Variants in RANBP2 observed in about 807,000 individuals in gnomAD.
RANBP2 encodes RAN binding protein 2.
In RANBP2, 57 loss-of-function variants were observed where a neutral mutation model predicts 303.6. That is an observed-to-expected ratio of 0.19 (90% confidence interval 0.15 to 0.23). The LOEUF (loss-of-function observed/expected upper bound fraction) is 0.23, where lower values mean the gene tolerates loss of function less well. Among genes scored for constraint, RANBP2 ranks in the 10% least tolerant of loss-of-function variants. The pLI is 1.00. For missense variants in RANBP2, 3,138 were observed against 3,780.8 expected, an observed-to-expected ratio of 0.83 and a Z score of 4.46; for synonymous variants, 1,167 against 1,301.5, an observed-to-expected ratio of 0.90 and a Z score of 2.23.
the RANBP2 span, chr2:109,129,215 T>G: frequency 7.8e-6 from 4 of 515,972 alleles, no homozygotes; most frequent in Non-Finnish European, 1.1e-5. Context: ...ACAGAACCCG[T>G]TGAGCTTCGT....
At chr2:109,699,735 TCAAACC>T in the RANBP2 span, among the ~76,000 whole-genome samples, 1 of 152,150 alleles carries the variant, frequency 6.6e-6, no homozygotes, top group Non-Finnish European at 1.5e-5. Flanking sequence ...CATGCACAGC[TCAAACC>T]CATATTGTTC....
Position 108,719,949 on chromosome 2 carries a change from G to A in RANBP2, c.72+271G>A, listed in dbSNP as rs975482212. ...GTTCCCGACGGTGCTCGCTCCTGGGGCCGCCCTGGCCCGGGCTTTCTGGCC... is the reference window on the plus strand; with the variant it reads ...GTTCCCGACGGTGCTCGCTCCTGGGACCGCCCTGGCCCGGGCTTTCTGGCC... On this transcript the variant is annotated intron_variant, in intron 1 of 28. Transcript: ENST00000283195. 3 of 985,224 alleles carry A rather than the reference G, an allele frequency of 3.0e-6. No homozygotes were observed. The African/African-American group carries it at 5.2e-5, about 17-fold the overall frequency. 61.0% of individuals were successfully genotyped at this position (985,224 alleles called of 1,614,324 possible). A position where few individuals can be genotyped will look rare whatever the true frequency, so the allele number is the denominator to read the frequency against.
the RANBP2 span, among the ~76,000 whole-genome samples, chr2:108,796,637 G>A: frequency 6.6e-6 from 1 of 152,132 alleles, no homozygotes; most frequent in Non-Finnish European, 1.5e-5. Flanking sequence ...ATATTATTCA[G>A]CCATAAAAAG....
chr2:108,746,858 A>G, intron 8 of RANBP2, 60 bp downstream of exon 8: 2 of 611,058 alleles, frequency 3.3e-6, no homozygotes, highest in South Asian at 2.1e-5. Flanking sequence ...GTTAAGGCAT[A>G]TCTTATGATA....
the RANBP2 span, chr2:109,565,713 T>G: frequency 1.3e-5 from 19 of 1,453,260 alleles, no homozygotes; most frequent in Non-Finnish European, 1.8e-5. Flanking sequence ...CAGGTAGCTT[T>G]GAGATTACTA....
At chr2:109,241,640 G>A in the RANBP2 span, among the ~76,000 whole-genome samples, 415 of 152,188 alleles carry the variant, frequency 2.7e-3, 2 homozygotes, top group African/African-American at 9.7e-3. Flanking sequence ...GGGACTCTCT[G>A]TCTCCCCGCC....
At chr2:109,610,990 T>C in the RANBP2 span, among the ~76,000 whole-genome samples, 3 of 152,266 alleles carry the variant, frequency 2.0e-5, no homozygotes, top group African/African-American at 7.2e-5. Flanking sequence ...GAATCAAGAC[T>C]GCGTGCTAAC....
At chr2:109,001,921 A>AG in the RANBP2 span, among the ~76,000 whole-genome samples, 1 of 151,736 alleles carries the variant, frequency 6.6e-6, no homozygotes, top group Non-Finnish European at 1.5e-5. Context: ...TAGTAGAGAC[A>AG]GGGTTTCACT....
the RANBP2 span, among the ~76,000 whole-genome samples, chr2:109,002,194 A>G: frequency 6.6e-6 from 1 of 152,124 alleles, no homozygotes; most frequent in Admixed American, 6.5e-5. Flanking sequence ...AGGCCGACCA[A>G]TGCAGGAGGC....
chr2:109,015,526 GGTGGGTGGA>G, the RANBP2 span, among the ~76,000 whole-genome samples: 1 of 152,174 alleles, frequency 6.6e-6, no homozygotes, highest in African/African-American at 2.4e-5. Context: ...GGGAGGCCGA[GGTGGGTGGA>G]CAATTTGAGG....
At chr2:109,139,284 C>T in the RANBP2 span, among the ~76,000 whole-genome samples, 3 of 152,068 alleles carry the variant, frequency 2.0e-5, no homozygotes, top group Admixed American at 1.3e-4. Context: ...TTAATGTCGC[C>T]TTAACAAAGA....
At chr2:109,284,710 C>A in the RANBP2 span, among the ~76,000 whole-genome samples, 1 of 152,168 alleles carries the variant, frequency 6.6e-6, no homozygotes, top group East Asian at 1.9e-4. Context: ...CTAGGCCAGG[C>A]AGATCATCTT....
chr2:109,399,446 TA>T, the RANBP2 span, among the ~76,000 whole-genome samples: 1 of 116,506 alleles, frequency 8.6e-6, no homozygotes, highest in African/African-American at 3.2e-5. Context: ...CCATTTCCAC[TA>T]GTTTTTTTTT....
At chr2:109,526,242 G>A in the RANBP2 span, among the ~76,000 whole-genome samples, 2 of 152,146 alleles carry the variant, frequency 1.3e-5, no homozygotes, top group African/African-American at 4.8e-5. Flanking sequence ...TTAAGCCCAG[G>A]GCTGCCTGCT....
the RANBP2 span, among the ~76,000 whole-genome samples, chr2:109,125,615 C>G: frequency 6.6e-6 from 1 of 152,200 alleles, no homozygotes; most frequent in Admixed American, 6.5e-5. Context: ...TGAAGGCATC[C>G]GAAGATTTCG....
At chr2:109,488,126 A>T in the RANBP2 span, among the ~76,000 whole-genome samples, 3 of 152,142 alleles carry the variant, frequency 2.0e-5, no homozygotes, top group African/African-American at 7.2e-5. Flanking sequence ...CTCCGCCGGG[A>T]CACCTGGGGC....
At chr2:109,578,619 T>A in the RANBP2 span, among the ~76,000 whole-genome samples, 1 of 151,912 alleles carries the variant, frequency 6.6e-6, no homozygotes, top group African/African-American at 2.4e-5. Flanking sequence ...ATACAAAAAT[T>A]AGCTCGGAGT....
chr2:109,516,735 C>T, the RANBP2 span, among the ~76,000 whole-genome samples: 1 of 152,250 alleles, frequency 6.6e-6, no homozygotes, highest in Admixed American at 6.5e-5. Context: ...GGGATCCCCT[C>T]GACCGAACAA....
the RANBP2 span, among the ~76,000 whole-genome samples, chr2:109,137,467 A>T: frequency 2.0e-5 from 3 of 152,348 alleles, no homozygotes; most frequent in South Asian, 6.2e-4. Flanking sequence ...CTCAGGAGAT[A>T]AGAGAACTTG....
Sources: allele counts gnomAD v4.1 joint callset (sites outside exome capture counted in the v4.1 genomes callset), GRCh38; gene constraint gnomAD v4.1.1; transcripts MANE v1.5; gene names NCBI Gene and HGNC (gene_info 2026-07-23, HGNC 2026-07-21).